HTR6: variants seen among roughly 807,000 people sequenced by gnomAD.
HTR6 encodes the protein 5-hydroxytryptamine (serotonin) receptor 6, G protein-coupled.
In HTR6, 15 loss-of-function variants were observed where a neutral mutation model predicts 17.4. The observed-to-expected ratio is 0.86, with a 90% CI of 0.58 to 1.33. HTR6 has a LOEUF of 1.33. Ranked by LOEUF, HTR6 falls within the 40% of genes most tolerant of loss-of-function variation. The probability of loss-of-function intolerance (pLI) is 0.00; values close to 1 mark genes in which losing one functional copy is unlikely to be tolerated. For synonymous variants in HTR6, 326 were observed against 295.5 expected (o/e 1.10, Z -1.06); for missense variants, 578 against 616.0 (o/e 0.94, Z 0.65).
At chr1:19,674,398 A>G (rs898580409) in intron 1 of HTR6, among the ~76,000 whole-genome samples, 5 of 138,682 alleles carry the variant, frequency 3.6e-5, no homozygotes, top group African/African-American at 1.1e-4. Flanking sequence ...TATTTAAGCC[A>G]CTCTTCTCTT....
In HTR6 at chr1:19,679,403, T is replaced by C; in HGVS notation, c.*35T>C. On this transcript the variant is annotated 3_prime_UTR_variant, in exon 3 of 3. Transcript: ENST00000289753. The surrounding 1 kb of genome is among the most constrained non-coding windows in gnomAD (Gnocchi z 4.9). ...GGGGCTGGCCAATGGGGAGCTGGATTGAGCAGAACCCAGACCCTGAGTCCT... is the reference window on the plus strand; with the variant it reads ...GGGGCTGGCCAATGGGGAGCTGGATCGAGCAGAACCCAGACCCTGAGTCCT... 6.5e-7 allele frequency: 1 copy of C among 1,526,978 alleles called. No individual in the cohort carries two copies. The highest frequency in any genetic ancestry group is 1.3e-5 in the South Asian group (1 of 78,426). 94.6% of individuals were successfully genotyped at this position (1,526,978 alleles called of 1,614,324 possible). A position where few individuals can be genotyped will look rare whatever the true frequency, so the allele number is the denominator to read the frequency against.
intron 1 of HTR6, among the ~76,000 whole-genome samples, chr1:19,669,887 C>T (rs532998175): frequency 1.4e-4 from 21 of 152,144 alleles, no homozygotes; most frequent in African/African-American, 2.2e-4. Context: ...CTGCTAGCCT[C>T]GGCCTCCCAA....
At chr1:19,675,713 C>T (rs941778571) in intron 1 of HTR6, among the ~76,000 whole-genome samples, 4 of 152,050 alleles carry the variant, frequency 2.6e-5, no homozygotes, top group East Asian at 1.9e-4. Flanking sequence ...AGGGTCAGAG[C>T]GATGCCTGGA....
intron 2 of HTR6, 21 bp downstream of exon 2, chr1:19,678,746 A>T: frequency 6.3e-7 from 1 of 1,599,486 alleles, no homozygotes; most frequent in Non-Finnish European, 8.6e-7. Flanking sequence ...GGCAGGGGGC[A>T]GGTGAGTCCG....
intron 1 of HTR6, among the ~76,000 whole-genome samples, chr1:19,673,148 CA>C (rs2095090189): frequency 6.6e-6 from 1 of 152,230 alleles, no homozygotes; most frequent in Non-Finnish European, 1.5e-5. Context: ...ATAATAATGA[CA>C]ACAATAGCTA....
rs2095079174 is a variant in HTR6, at chr1:19,665,114, C to G, written c.-640C>G. 6.6e-6 allele frequency among the ~76,000 whole-genome samples: 1 copy of G among 151,830 alleles called. No homozygotes were observed. The highest frequency in any genetic ancestry group is 2.1e-4 in the South Asian group (1 of 4,834). ...CCGCGCGGCCGCTGCCCTCCTCTTC[C>G]CGCGGGGCCTGGCGGCCCCGGCGAA... On this transcript the variant is annotated 5_prime_UTR_variant, in exon 1 of 3. Transcript: ENST00000289753. The surrounding 1 kb of genome is among the most constrained non-coding windows in gnomAD (Gnocchi z 4.2).
Position 19,679,478 on chromosome 1 carries a change from C to T in HTR6, c.*110C>T. The T allele has an allele frequency of 1.4e-6, 2 of 1,419,750 alleles. No homozygotes were observed. The highest frequency in any genetic ancestry group is 2.5e-5 in the East Asian group (1 of 39,760). The allele number at this position is 1,419,750 out of a possible 1,614,324, so 87.9% of individuals were successfully genotyped here. On this transcript the variant is annotated 3_prime_UTR_variant, in exon 3 of 3. Coordinates refer to ENST00000289753, the MANE Select transcript of HTR6 (RefSeq NM_000871.3). The surrounding 1 kb of genome is among the most constrained non-coding windows in gnomAD (Gnocchi z 4.9). ...GGAGGCTGCAAGTCTCCTAGAAGCC[C>T]TCTGAGCTCCAGAGGGGTGCGCAGA...
chr1:19,666,085 G>A lies in HTR6; in HGVS notation c.332G>A (p.Ser111Asn). ...LWTAFDVMCC[S>N]ASILNLCLIS... is the part of the protein sequence containing the mutation. ...ACCGCCTTCGACGTGATGTGCTGCA[G>A]CGCCTCCATCCTCAACCTCTGCCTC... Residue 111 changes from serine (S) to asparagine (N), a missense_variant, in exon 1 of 3, where the codon AGC becomes AAC. Coordinates refer to ENST00000289753, the MANE Select transcript of HTR6 (RefSeq NM_000871.3). This position sits in a 1 kb window ranked among gnomAD's most constrained non-coding sequence, Gnocchi z 4.5. 8 of 1,612,806 alleles carry A rather than the reference G, an allele frequency of 5.0e-6. No individual in the cohort carries two copies. Among genetic ancestry groups the A allele is most frequent in the Non-Finnish European group, 6.8e-6 (8 of 1,179,858 alleles).
intron 1 of HTR6, among the ~76,000 whole-genome samples, chr1:19,675,007 G>A (rs532714288): frequency 2.0e-5 from 3 of 152,326 alleles, no homozygotes; most frequent in African/African-American, 4.8e-5. Context: ...ATGCCGGGGT[G>A]TGGACTAGTG....
At chr1:19,672,449 G>C (rs543786036) in intron 1 of HTR6, among the ~76,000 whole-genome samples, 3 of 152,206 alleles carry the variant, frequency 2.0e-5, no homozygotes, top group Non-Finnish European at 4.4e-5. Flanking sequence ...TATCTGTGAG[G>C]GGGAGGAGGG....
In HTR6 at chr1:19,680,342, C is replaced by A. The variant is rs1302399126; in HGVS notation, c.*974C>A. Among the ~76,000 whole-genome samples, 1 of 152,176 alleles carries A rather than the reference C, an allele frequency of 6.6e-6. No homozygotes were observed. The highest frequency in any genetic ancestry group is 1.5e-5 in the Non-Finnish European group (1 of 68,032). ...CCTCTTCAGCCCTGGCCTAGCCTCCCAAAGCCTGACTCTGGTTCCCCAACT... is the reference window on the plus strand; with the variant it reads ...CCTCTTCAGCCCTGGCCTAGCCTCCAAAAGCCTGACTCTGGTTCCCCAACT... On this transcript the variant is annotated 3_prime_UTR_variant, in exon 3 of 3. Coordinates refer to ENST00000289753, the MANE Select transcript of HTR6 (RefSeq NM_000871.3).
At chr1:19,676,015 T>C (rs1184944584) in intron 1 of HTR6, among the ~76,000 whole-genome samples, 1 of 152,126 alleles carries the variant, frequency 6.6e-6, no homozygotes, top group Non-Finnish European at 1.5e-5. Context: ...TCATAGCATC[T>C]GAGCCGCAGC....
rs1474563202 is a variant in HTR6 at position 19,666,185 on chromosome 1, G to A, written c.432G>A (p.Leu144=). The change falls in exon 1 of 3, where the codon CTG becomes CTA. Residue 144 remains leucine, a synonymous_variant. Transcript: ENST00000289753. The surrounding 1 kb of genome is among the most constrained non-coding windows in gnomAD (Gnocchi z 4.5). ...YKLRMTPLRA[L]ALVLGAWSLA... ...TGCGCATGACGCCCCTGCGTGCCCT[G>A]GCCCTAGTCCTGGGCGCCTGGAGCC... The A allele has an allele frequency of 6.2e-7, 1 of 1,610,584 alleles. No individual in the cohort carries two copies. The highest frequency in any genetic ancestry group is 8.5e-7 in the Non-Finnish European group (1 of 1,179,866).
Position 19,665,671 on chromosome 1 carries a change from C to T in HTR6, c.-83C>T, listed in dbSNP as rs1455399499. The stretch of plus-strand genomic sequence containing the variant: ...GTCGCGGTCTGTTCTCACGGACGGT[C>T]CCCGTCCAGCCTGCGCTTCGCCGGG... On this transcript the variant is annotated 5_prime_UTR_variant, in exon 1 of 3. Coordinates refer to ENST00000289753, the MANE Select transcript of HTR6 (RefSeq NM_000871.3). The surrounding 1 kb of genome is among the most constrained non-coding windows in gnomAD (Gnocchi z 4.2). The T allele has an allele frequency of 2.4e-5, 22 of 934,372 alleles. No homozygotes were observed. The South Asian group carries it at 3.8e-4, about 16-fold the overall frequency. The allele number at this position is 934,372 out of a possible 1,614,324, so 57.9% of individuals were successfully genotyped here. A position where few individuals can be genotyped will look rare whatever the true frequency, so the allele number is the denominator to read the frequency against.
rs2095082329 is a variant in HTR6, at chr1:19,666,903, TCTC to T, written c.714+439_714+441del. On this transcript the variant is annotated intron_variant, in intron 1 of 2. Coordinates refer to ENST00000289753, the MANE Select transcript of HTR6 (RefSeq NM_000871.3). This position sits in a 1 kb window ranked among gnomAD's most constrained non-coding sequence, Gnocchi z 4.5. Reference sequence around the variant, plus strand: ...TCCTACCGGGGAGGCTGTGTAGACTTCTCCTGGCTCCCCTGCTTCTGCCGCAGA... The same window carrying T: ...TCCTACCGGGGAGGCTGTGTAGACTTCTGGCTCCCCTGCTTCTGCCGCAGA... 1.3e-5 allele frequency among the ~76,000 whole-genome samples: 2 copies of T among 152,078 alleles called. No individual in the cohort carries two copies. The highest frequency in any genetic ancestry group is 4.8e-5 in the African/African-American group (2 of 41,418).
At chr1:19,667,460 G>C (rs2095082974) in intron 1 of HTR6, among the ~76,000 whole-genome samples, 1 of 151,926 alleles carries the variant, frequency 6.6e-6, no homozygotes. Flanking sequence ...CTGTTGCCCA[G>C]GCTGGAGGGC....
chr1:19,675,837 G>T (rs1296504650), intron 1 of HTR6, among the ~76,000 whole-genome samples: 1 of 152,108 alleles, frequency 6.6e-6, no homozygotes, highest in Non-Finnish European at 1.5e-5. Flanking sequence ...CTTCCTCCAG[G>T]CTGACCATGG....
chr1:19,672,343 C>G (rs1032043300), intron 1 of HTR6, among the ~76,000 whole-genome samples: 1 of 152,162 alleles, frequency 6.6e-6, no homozygotes, highest in African/African-American at 2.4e-5. Flanking sequence ...TTCACCCTCT[C>G]TCACCCAACT....
chr1:19,673,702 A>T (rs1319704375), intron 1 of HTR6, among the ~76,000 whole-genome samples: 1 of 152,132 alleles, frequency 6.6e-6, no homozygotes, highest in Non-Finnish European at 1.5e-5. Context: ...TCGTCTCAAA[A>T]AATAAATAAA....
Sources: allele counts gnomAD v4.1 joint callset (sites outside exome capture counted in the v4.1 genomes callset), GRCh38; gene constraint gnomAD v4.1.1; non-coding constraint Gnocchi (gnomAD v3.1); transcripts MANE v1.5; gene names NCBI Gene and HGNC (gene_info 2026-07-23, HGNC 2026-07-21).